The following MARCHF3 variants were observed in gnomAD, a reference collection of about 807,000 sequenced individuals.
MARCHF3 encodes membrane associated ring-CH-type finger 3.
MARCHF3 carries 13 observed loss-of-function variants against 24.2 expected under a neutral mutation model. The observed-to-expected ratio is 0.54, with a 90% confidence interval of 0.35 to 0.85. The LOEUF (loss-of-function observed/expected upper bound fraction) is 0.85, where lower values mean the gene tolerates loss of function less well. MARCHF3 is among the 40% of genes least tolerant of loss of function. MARCHF3 has a pLI of 0.01. For missense variants in MARCHF3, 276 were observed against 325.0 expected, an observed-to-expected ratio of 0.85 and a Z score of 1.16; for synonymous variants, 144 against 137.3, an observed-to-expected ratio of 1.05 and a Z score of -0.34.
intron 1 of MARCHF3, among the ~76,000 whole-genome samples, chr5:126,973,417 G>C (rs529104134): frequency 6.6e-6 from 1 of 152,346 alleles, no homozygotes; most frequent in African/African-American, 2.4e-5. Context: ...ACCTCTCTGG[G>C]GTTCCTGCCA....
Position 126,938,722 on chromosome 5 carries a change from T to C in MARCHF3, c.-56-20495A>G, listed in dbSNP as rs79337894. Among the ~76,000 whole-genome samples the C allele has an allele frequency of 6.9e-3, 1,049 of 152,226 alleles. 10 individuals carry two copies. Among genetic ancestry groups the C allele is most frequent in the African/African-American group, 0.024 (985 of 41,530 alleles). ...GTGCAATGATTTAATTTTTCCCCCA[T>C]AGCATTTGTAGGCAGGAAACTTCTG... On this transcript the variant is annotated intron_variant, in intron 1 of 4. Transcript: ENST00000308660.
chr5:126,991,245 G>T (rs1466201785), intron 1 of MARCHF3, among the ~76,000 whole-genome samples: 1 of 152,180 alleles, frequency 6.6e-6, no homozygotes, highest in Admixed American at 6.5e-5. Flanking sequence ...CATGTCCTTT[G>T]CAGGGACATG....
chr5:126,960,417 G>T (rs948566098), intron 1 of MARCHF3, among the ~76,000 whole-genome samples: 1 of 152,038 alleles, frequency 6.6e-6, no homozygotes, highest in Non-Finnish European at 1.5e-5. Context: ...CAAAATTGTC[G>T]CAATTTGAAA....
At chr5:126,954,710 G>C (rs1331284729) in intron 1 of MARCHF3, among the ~76,000 whole-genome samples, 1 of 146,726 alleles carries the variant, frequency 6.8e-6, no homozygotes, top group Non-Finnish European at 1.5e-5. Flanking sequence ...TTAATAAATA[G>C]AGCGCACTCA....
chr5:126,987,294 AG>A (rs1439388022), intron 1 of MARCHF3, among the ~76,000 whole-genome samples: 3 of 152,326 alleles, frequency 2.0e-5, no homozygotes, highest in Admixed American at 6.5e-5. Context: ...AGAATAATAC[AG>A]GGTGTACTTA....
At chr5:126,922,500 C>T (rs1192540721) in intron 1 of MARCHF3, among the ~76,000 whole-genome samples, 2 of 147,442 alleles carry the variant, frequency 1.4e-5, no homozygotes, top group Non-Finnish European at 1.5e-5. Flanking sequence ...TGGGCTACAT[C>T]TCATTTCTGT....
intron 1 of MARCHF3, among the ~76,000 whole-genome samples, chr5:126,950,741 A>G (rs980064375): frequency 2.6e-5 from 4 of 152,156 alleles, no homozygotes; most frequent in Admixed American, 2.6e-4. Flanking sequence ...TTCCACCTCA[A>G]AAAAGCCCCT....
At chr5:126,916,981 G>C (rs1748883588) in intron 2 of MARCHF3, among the ~76,000 whole-genome samples, 1 of 152,118 alleles carries the variant, frequency 6.6e-6, no homozygotes, top group African/African-American at 2.4e-5. Flanking sequence ...ATTTTAAATG[G>C]AGGGCATATG....
intron 1 of MARCHF3, among the ~76,000 whole-genome samples, chr5:126,936,193 G>A (rs1467256351): frequency 1.3e-5 from 2 of 152,140 alleles, no homozygotes; most frequent in Non-Finnish European, 2.9e-5. Flanking sequence ...TAAGATGGCT[G>A]TGCTTTTCCT....
chr5:127,008,880 AATTTATTTATTTATTTATTT>A (rs11270456), intron 1 of MARCHF3, among the ~76,000 whole-genome samples: 55 of 147,848 alleles, frequency 3.7e-4, no homozygotes, highest in African/African-American at 5.0e-4. Context: ...CTCTTTAAAA[AATTTATTTATTTATTTATTT>A]ATTTATTTAT....
chr5:126,976,530 G>C (rs890639597), intron 1 of MARCHF3, among the ~76,000 whole-genome samples: 2 of 152,130 alleles, frequency 1.3e-5, no homozygotes, highest in East Asian at 1.9e-4. Context: ...GTTTCCAAAA[G>C]CTGAGCCTCT....
At chr5:126,971,023 G>A (rs1258193092) in intron 1 of MARCHF3, among the ~76,000 whole-genome samples, 1 of 152,156 alleles carries the variant, frequency 6.6e-6, no homozygotes, top group Admixed American at 6.5e-5. Context: ...ATTGTTGGTA[G>A]GTTGAGAAAA....
At chr5:127,020,778 G>A (rs1752777102) in intron 1 of MARCHF3, among the ~76,000 whole-genome samples, 1 of 152,062 alleles carries the variant, frequency 6.6e-6, no homozygotes, top group Non-Finnish European at 1.5e-5. Flanking sequence ...TTGAGCTCGG[G>A]AGGTTAAGAC....
At chr5:126,933,424 C>T (rs1403114315) in intron 1 of MARCHF3, among the ~76,000 whole-genome samples, 1 of 151,352 alleles carries the variant, frequency 6.6e-6, no homozygotes, top group African/African-American at 2.4e-5. Flanking sequence ...CGCTGTATGC[C>T]TGTCATTCTC....
chr5:126,952,271 T>C (rs758028072), intron 1 of MARCHF3, among the ~76,000 whole-genome samples: 1 of 152,176 alleles, frequency 6.6e-6, no homozygotes, highest in Non-Finnish European at 1.5e-5. Context: ...TAGACTCTTT[T>C]TATTAGGGGG....
intron 1 of MARCHF3, among the ~76,000 whole-genome samples, chr5:126,996,791 C>T (rs1751960937): frequency 6.6e-6 from 1 of 150,944 alleles, no homozygotes; most frequent in African/African-American, 2.4e-5. Context: ...CAATGGGGTA[C>T]AACAACGCAA....
chr5:127,001,259 G>A (rs1416884713), intron 1 of MARCHF3, among the ~76,000 whole-genome samples: 1 of 151,776 alleles, frequency 6.6e-6, no homozygotes, highest in Non-Finnish European at 1.5e-5. Flanking sequence ...AGGTTCTACT[G>A]GTAGAACTAC....
chr5:126,943,839 C>T (rs1749916511), intron 1 of MARCHF3, among the ~76,000 whole-genome samples: 3 of 151,594 alleles, frequency 2.0e-5, no homozygotes, highest in Admixed American at 2.0e-4. Flanking sequence ...GATACGGAGT[C>T]TCGCTCTGTC....
At chr5:126,987,003 A>G (rs964090679) in intron 1 of MARCHF3, among the ~76,000 whole-genome samples, 2 of 152,226 alleles carry the variant, frequency 1.3e-5, no homozygotes, top group Non-Finnish European at 2.9e-5. Context: ...TTGGTCAAAC[A>G]CTAGTCTATA....
Sources: allele counts gnomAD v4.1 joint callset (sites outside exome capture counted in the v4.1 genomes callset), GRCh38; gene constraint gnomAD v4.1.1; transcripts MANE v1.5; gene names NCBI Gene and HGNC (gene_info 2026-07-23, HGNC 2026-07-21).